PARN: variants seen among roughly 807,000 people sequenced by gnomAD.
PARN encodes the protein poly(A)-specific ribonuclease, also known as poly(A)-specific ribonuclease PARN.
Under a neutral mutation model 102.8 loss-of-function variants are expected in PARN, and 71 were observed. The ratio of observed to expected loss-of-function variants is 0.69; its 90% CI spans 0.57 to 0.84. The LOEUF (loss-of-function observed/expected upper bound fraction) is 0.84, where lower values mean the gene tolerates loss of function less well. Ranked by LOEUF, PARN falls within the 40% of genes least tolerant of loss-of-function variation. The probability of loss-of-function intolerance (pLI) is 0.00; values close to 1 mark genes in which losing one functional copy is unlikely to be tolerated. For synonymous variants in PARN, 261 were observed against 252.9 expected, an observed-to-expected ratio of 1.03 and a Z score of -0.30; for missense variants, 782 against 760.9, an observed-to-expected ratio of 1.03 and a Z score of -0.33.
intron 21 of PARN, among the ~76,000 whole-genome samples, chr16:14,539,973 TGTTTTTAAG>T (rs1239707354): frequency 6.6e-6 from 1 of 152,236 alleles, no homozygotes; most frequent in Non-Finnish European, 1.5e-5. Context: ...AATCTAGTGA[TGTTTTTAAG>T]TATACAGGAG....
chr16:14,471,128 T>C (rs1962713183), intron 22 of PARN, among the ~76,000 whole-genome samples: 1 of 152,216 alleles, frequency 6.6e-6, no homozygotes, highest in Non-Finnish European at 1.5e-5. Context: ...CTTCCCCAGC[T>C]GTGCTTTTGT....
chr16:14,621,481 A>G (rs1972295727), intron 5 of PARN, among the ~76,000 whole-genome samples: 1 of 152,198 alleles, frequency 6.6e-6, no homozygotes, highest in African/African-American at 2.4e-5. Context: ...GAATAGTAAA[A>G]TTTATGTTAC....
At chr16:14,555,984 C>T (rs1363333974) in intron 18 of PARN, among the ~76,000 whole-genome samples, 1 of 151,726 alleles carries the variant, frequency 6.6e-6, no homozygotes, top group Non-Finnish European at 1.5e-5. Context: ...TCTGCCTCAG[C>T]CTCCTGAGTA....
chr16:14,481,272 A>C (rs1279835269), intron 22 of PARN, among the ~76,000 whole-genome samples: 1 of 152,242 alleles, frequency 6.6e-6, no homozygotes, highest in African/African-American at 2.4e-5. Flanking sequence ...TAAATGCTGC[A>C]TATTTACATA....
intron 11 of PARN, among the ~76,000 whole-genome samples, chr16:14,600,906 C>T (rs760847239): frequency 3.9e-5 from 6 of 152,078 alleles, no homozygotes; most frequent in Non-Finnish European, 8.8e-5. Context: ...TGCACTCCAG[C>T]CTGGGCAACA....
chr16:14,565,178 T>C (rs1207012072), intron 18 of PARN: 1 of 152,174 alleles, frequency 6.6e-6, no homozygotes, highest in East Asian at 1.9e-4. Flanking sequence ...CATGCAGACA[T>C]CTCTCACAAA....
At chr16:14,587,999 A>G (rs550523104) in intron 13 of PARN, among the ~76,000 whole-genome samples, 1 of 152,364 alleles carries the variant, frequency 6.6e-6, no homozygotes, top group South Asian at 2.1e-4. Flanking sequence ...CAAGGAGCTA[A>G]CCACCTAGAA....
At chr16:14,506,310 C>A (rs1202372472) in intron 21 of PARN, among the ~76,000 whole-genome samples, 1 of 152,088 alleles carries the variant, frequency 6.6e-6, no homozygotes. Context: ...AAAAGTAACA[C>A]AAGACTTTGA....
intron 22 of PARN, among the ~76,000 whole-genome samples, chr16:14,481,501 C>T (rs1242578807): frequency 6.6e-6 from 1 of 152,146 alleles, no homozygotes; most frequent in African/African-American, 2.4e-5. Flanking sequence ...AAAACAGACA[C>T]AAGGAAATTC....
At chr16:14,617,060 GTTTT>G (rs1428450992) in intron 6 of PARN, among the ~76,000 whole-genome samples, 5 of 141,560 alleles carry the variant, frequency 3.5e-5, no homozygotes, top group South Asian at 2.3e-4. Context: ...GGCTGATTAT[GTTTT>G]TTGTTTTTTT....
chr16:14,538,220 T>G (rs937832108), intron 21 of PARN, among the ~76,000 whole-genome samples: 1 of 124,866 alleles, frequency 8.0e-6, no homozygotes, highest in African/African-American at 3.0e-5. Flanking sequence ...TATTTTTCAC[T>G]TTTTTTTTTT....
intron 21 of PARN, among the ~76,000 whole-genome samples, chr16:14,533,190 G>A (rs1024762593): frequency 6.6e-6 from 1 of 152,096 alleles, no homozygotes; most frequent in African/African-American, 2.4e-5. Flanking sequence ...GATCACTCGC[G>A]GTTAGGAGCT....
At chr16:14,577,957 C>T (rs968642764) in intron 18 of PARN, among the ~76,000 whole-genome samples, 7 of 151,908 alleles carry the variant, frequency 4.6e-5, no homozygotes, top group Non-Finnish European at 7.4e-5. Flanking sequence ...CATAGGCCAA[C>T]GCATCTGGCC....
At chr16:14,470,687 G>A (rs1263161971) in intron 22 of PARN, among the ~76,000 whole-genome samples, 2 of 152,016 alleles carry the variant, frequency 1.3e-5, no homozygotes, top group African/African-American at 2.4e-5. Context: ...TTGAACTCCT[G>A]AGCCCAAGTG....
chr16:14,613,302 TC>T (rs2151801209), intron 6 of PARN, among the ~76,000 whole-genome samples: 1 of 99,846 alleles, frequency 1.0e-5, no homozygotes, highest in Non-Finnish European at 2.0e-5. Context: ...AGGGTGAAAC[TC>T]CATCTCAAAA....
Position 14,612,050 on chromosome 16 carries a change from G to A in PARN, c.389-1241C>T, listed in dbSNP as rs116581909. ...TTGTTTGTAACCCTGGTGTAGAGAT[G>A]GCAGGGTAGAAGGAGACAGTGATTT... is the stretch of plus-strand genomic sequence containing the variant. On this transcript the variant is annotated intron_variant, in intron 6 of 23. Transcript: ENST00000437198. Among the ~76,000 whole-genome samples, 1,242 of 151,992 alleles carry A rather than the reference G, an allele frequency of 8.2e-3. 20 individuals carry two copies. Among genetic ancestry groups the A allele is most frequent in the African/African-American group, 0.028 (1,169 of 41,396 alleles).
At chr16:14,620,020 A>C (rs1308050289) in intron 5 of PARN, among the ~76,000 whole-genome samples, 15 of 143,750 alleles carry the variant, frequency 1.0e-4, no homozygotes, top group African/African-American at 3.9e-4. Flanking sequence ...CCATGAGCCG[A>C]GATCATGCCA....
At chr16:14,561,105 C>G (rs979392420) in intron 18 of PARN, among the ~76,000 whole-genome samples, 1 of 146,494 alleles carries the variant, frequency 6.8e-6, no homozygotes, top group Admixed American at 7.0e-5. Flanking sequence ...TGCAGTGAGC[C>G]GAGATTGCAC....
intron 18 of PARN, among the ~76,000 whole-genome samples, chr16:14,565,822 G>A (rs572248718): frequency 1.1e-4 from 17 of 152,236 alleles, no homozygotes; most frequent in African/African-American, 2.4e-4. Context: ...CAGATGTCTC[G>A]GCTTTAAAAT....
Sources: gnomAD v4.1 joint callset for allele counts (sites outside exome capture counted in the v4.1 genomes callset) on GRCh38, gnomAD v4.1.1 for gene constraint, MANE v1.5 for transcripts, NCBI Gene and HGNC (gene_info 2026-07-23, HGNC 2026-07-21) for gene names.